MAB21L3: variants seen among roughly 807,000 people sequenced by gnomAD.
MAB21L3 encodes mab-21 like 3.
In MAB21L3, 36 loss-of-function variants were observed where a neutral mutation model predicts 37.7. The observed-to-expected ratio is 0.96, with a 90% CI of 0.73 to 1.26. The LOEUF is 1.26. Ranked by LOEUF, MAB21L3 falls within the 50% of genes most tolerant of loss-of-function variation. The pLI is 0.00. For missense variants in MAB21L3, 430 were observed against 447.3 expected (o/e 0.96, Z 0.35); for synonymous variants, 186 against 176.8 (o/e 1.05, Z -0.41).
intron 3 of MAB21L3, among the ~76,000 whole-genome samples, chr1:116,115,918 A>G (rs909088615): frequency 1.3e-5 from 2 of 152,146 alleles, no homozygotes; most frequent in African/African-American, 4.8e-5. Flanking sequence ...ATTTGTTTCC[A>G]TGTTTTGCCA....
At position 116,128,223 on chromosome 1, in the gene MAB21L3, GA is replaced by G. The variant is rs1312528081; in HGVS notation, c.741del (p.Glu247AspfsTer17). ...CCTCCGTGCTGAGCAGGTGTTACTG[GA>G]ACAGCTGGATGAAGATGGGGGCTGC... is the stretch of plus-strand genomic sequence containing the variant. ...SFLRAEQVLL[E>X]QLDEDGGCRR... On this transcript the variant is annotated frameshift_variant, in exon 7 of 8. Coordinates refer to ENST00000369500, the MANE Select transcript of MAB21L3 (RefSeq NM_152367.3). LOFTEE classifies it high-confidence loss of function. The G allele has an allele frequency of 6.2e-7, 1 of 1,614,028 alleles. No homozygotes were observed. Among genetic ancestry groups the G allele is most frequent in the Non-Finnish European group, 8.5e-7 (1 of 1,180,018 alleles).
chr1:116,114,853 T>G (rs1659543077), intron 3 of MAB21L3, among the ~76,000 whole-genome samples: 1 of 152,164 alleles, frequency 6.6e-6, no homozygotes, highest in African/African-American at 2.4e-5. Context: ...GGGAAAGGTG[T>G]CTTACAGAAA....
rs770084009 is a variant in MAB21L3 at position 116,121,022 on chromosome 1, A to G, written c.139A>G (p.Ile47Val). ...GACCACAAACATCAGCAACCAAGAC[A>G]TTAGATTTCAAGCTGTGCCTTACTC... ...HLTTNISNQD[I>V]RFQAVPYSDT... Residue 47 changes from isoleucine (I) to valine (V), a missense_variant, in exon 4 of 8, where the codon ATT becomes GTT. Physicochemically the swap from Ile to Val is conservative, Grantham distance 29. Transcript: ENST00000369500. 3.1e-6 allele frequency: 5 copies of G among 1,614,034 alleles called. No homozygotes were observed. The Admixed American group carries it at 6.7e-5, about 22-fold the overall frequency.
intron 7 of MAB21L3, among the ~76,000 whole-genome samples, chr1:116,130,368 G>A (rs1660038741): frequency 1.3e-5 from 2 of 151,990 alleles, no homozygotes; most frequent in South Asian, 4.1e-4. Context: ...CATCCTCAAG[G>A]ATGGGCATTT....
intron 3 of MAB21L3, among the ~76,000 whole-genome samples, chr1:116,113,492 T>C (rs1383607947): frequency 6.6e-6 from 1 of 152,208 alleles, no homozygotes; most frequent in African/African-American, 2.4e-5. Flanking sequence ...TGGCATTTTT[T>C]TCGTGGGTCC....
chr1:116,123,839 A>G (rs1659818427), intron 4 of MAB21L3: 4 of 510,900 alleles, frequency 7.8e-6, no homozygotes, highest in Non-Finnish European at 1.4e-5. Flanking sequence ...GAGATAATAA[A>G]CTCAGCAGGT....
At chr1:116,132,565 G>A (rs575149637) in intron 7 of MAB21L3, among the ~76,000 whole-genome samples, 2 of 152,164 alleles carry the variant, frequency 1.3e-5, no homozygotes, top group African/African-American at 4.8e-5. Flanking sequence ...AATGGGAGGA[G>A]AGGAAATGAC....
Position 116,128,025 on chromosome 1 carries a change from G to A in MAB21L3, c.661-120G>A, listed in dbSNP as rs997587915. ...CCTGGCACCCCCTTCTCATCCCCAC[G>A]TAGGATGTGCTGTCTGCCTGGTGAC... On this transcript the variant is annotated intron_variant, in intron 6 of 7. Coordinates refer to ENST00000369500, the MANE Select transcript of MAB21L3 (RefSeq NM_152367.3). 103 of 1,051,168 alleles carry A rather than the reference G, an allele frequency of 9.8e-5. 1 individual carries two copies. Among genetic ancestry groups the A allele is most frequent in the African/African-American group, 6.2e-4 (38 of 61,672 alleles). 65.1% of individuals were successfully genotyped at this position (1,051,168 alleles called of 1,614,324 possible). A position where few individuals can be genotyped will look rare whatever the true frequency, so the allele number is the denominator to read the frequency against.
intron 7 of MAB21L3, among the ~76,000 whole-genome samples, chr1:116,132,238 G>A (rs1272097265): frequency 6.6e-6 from 1 of 152,174 alleles, no homozygotes; most frequent in Non-Finnish European, 1.5e-5. Context: ...AATGTAGACT[G>A]AGAGGAGAAG....
At chr1:116,122,719 T>G (rs577920946) in intron 4 of MAB21L3, among the ~76,000 whole-genome samples, 1 of 152,312 alleles carries the variant, frequency 6.6e-6, no homozygotes, top group South Asian at 2.1e-4. Flanking sequence ...AATGCCACCA[T>G]GCCTGGTTAA....
intron 3 of MAB21L3, 41 bp from the exon 4 acceptor site, chr1:116,120,891 C>T (rs753483162): frequency 1.9e-6 from 3 of 1,608,670 alleles, no homozygotes; most frequent in African/African-American, 2.7e-5. Flanking sequence ...TTGGGGCCCA[C>T]AGAGGAAATA....
rs981083739 is a variant in MAB21L3, at chr1:116,111,408, G to C, written c.-494G>C. ...GCGGCTTTTGCTTGGGGCAGAGTAT[G>C]GGAAGATATGCAAACGCTGAGGCCC... On this transcript the variant is annotated 5_prime_UTR_variant, in exon 1 of 8. It removes an upstream start codon present in the reference 5' UTR. Transcript: ENST00000369500. Among the ~76,000 whole-genome samples the C allele has an allele frequency of 1.3e-5, 2 of 152,142 alleles. No homozygotes were observed. The highest frequency in any genetic ancestry group is 2.9e-5 in the Non-Finnish European group (2 of 68,038).
At position 116,112,705 on chromosome 1, in the gene MAB21L3, T is replaced by G. The variant is rs79085516; in HGVS notation, c.48+42T>G. On this transcript the variant is annotated intron_variant, in intron 3 of 7. Transcript: ENST00000369500. ...TCTCTCCCATGAACCCCCTCCCCAT[T>G]CACACTACTTCCAAACAAACCTTCG... is the stretch of plus-strand genomic sequence containing the variant. 7.1e-3 allele frequency: 11,373 copies of G among 1,595,348 alleles called. 429 individuals are homozygous for G. The African/African-American group carries it at 0.1, about 14-fold the overall frequency.
Position 116,124,244 on chromosome 1 carries a change from T to G in MAB21L3, c.368T>G (p.Leu123Arg), listed in dbSNP as rs778101924. 9.9e-6 allele frequency: 16 copies of G among 1,614,070 alleles called. 1 individual carries two copies. In the South Asian group the frequency reaches 1.6e-4, roughly 17 times the overall value. Reference sequence around the variant, plus strand: ...GAGGTGGAACAGTTTATGAAGAGCCTGTGGCAGTGGCATGAGACAGATGTG... The same window carrying G: ...GAGGTGGAACAGTTTATGAAGAGCCGGTGGCAGTGGCATGAGACAGATGTG... Reference protein sequence around the residue: ...WLEVEQFMKSLWQWHETDVNI... With the variant: ...WLEVEQFMKSRWQWHETDVNI... Residue 123 changes from leucine (L) to arginine (R), a missense_variant, in exon 5 of 8, where the codon CTG becomes CGG. Coordinates refer to ENST00000369500, the MANE Select transcript of MAB21L3 (RefSeq NM_152367.3).
intron 3 of MAB21L3, 23 bp downstream of exon 3, chr1:116,112,686 C>T: frequency 2.5e-6 from 4 of 1,612,136 alleles, no homozygotes; most frequent in Non-Finnish European, 3.4e-6. Context: ...CCGGTCTCTC[C>T]CATGAACCCC....
At position 116,125,359 on chromosome 1, in the gene MAB21L3, GCA is replaced by G. The variant is rs767557866; in HGVS notation, c.481+1004_481+1005del. 9.9e-5 allele frequency among the ~76,000 whole-genome samples: 15 copies of G among 152,210 alleles called. 1 individual carries two copies. Among genetic ancestry groups the G allele is most frequent in the Non-Finnish European group, 5.9e-5 (4 of 68,038 alleles). ...TTTCTACAAATACACAAAGAATTGT[GCA>G]CCAGGATATTCTCTGCCATAGGTTT... On this transcript the variant is annotated intron_variant, in intron 5 of 7. Coordinates refer to ENST00000369500, the MANE Select transcript of MAB21L3 (RefSeq NM_152367.3).
rs1302012503 is a variant in MAB21L3 at position 116,111,639 on chromosome 1, C to T, written c.-381C>T. 6.6e-6 allele frequency: 1 copy of T among 151,834 alleles called. No individual in the cohort carries two copies. The highest frequency in any genetic ancestry group is 2.4e-5 in the African/African-American group (1 of 41,300). The allele number at this position is 151,834 out of a possible 1,614,324, so 9.4% of individuals were successfully genotyped here. ...TTTTTTTTTCTGTAGTAAAACTAGC[C>T]CCAGCCAGCCCAACTGGGAATTTAC... On this transcript the variant is annotated 5_prime_UTR_variant, in exon 2 of 8. Transcript: ENST00000369500.
At chr1:116,123,600 G>A (rs138938640) in intron 4 of MAB21L3, among the ~76,000 whole-genome samples, 1 of 152,322 alleles carries the variant, frequency 6.6e-6, no homozygotes, top group East Asian at 1.9e-4. Context: ...CTTACTGGTT[G>A]TGTGTCCCTG....
rs1270779035 is a variant in MAB21L3 at position 116,127,473 on chromosome 1, C to T, written c.489C>T (p.Val163=). 1 of 1,613,440 alleles carries T rather than the reference C, an allele frequency of 6.2e-7. No individual in the cohort carries two copies. The highest frequency in any genetic ancestry group is 8.5e-7 in the Non-Finnish European group (1 of 1,179,700). ...AVRTCHLSGK[V]SLLGNRSAVW... ...TTGGTCATTTCCCACCAGGTAAGGT[C>T]AGCCTGCTAGGAAACCGCTCTGCAG... is the stretch of plus-strand genomic sequence containing the variant. Residue 163 remains valine (V), a synonymous_variant, in exon 6 of 8, where the codon GTC becomes GTT. Transcript: ENST00000369500.
Sources: gnomAD v4.1 joint callset for allele counts (sites outside exome capture counted in the v4.1 genomes callset) on GRCh38, gnomAD v4.1.1 for gene constraint, MANE v1.5 for transcripts, NCBI Gene and HGNC (gene_info 2026-07-23, HGNC 2026-07-21) for gene names.